TMIGD3: variants seen among roughly 807,000 people sequenced by gnomAD.
TMIGD3 encodes the protein AD026 protein (AD026).
A neutral mutation model predicts 28.1 loss-of-function variants in TMIGD3; 21 were observed. That is an observed-to-expected ratio of 0.75 (90% CI 0.53 to 1.08). TMIGD3 has a LOEUF of 1.08. TMIGD3 is among the 50% of genes least tolerant of loss of function. The pLI is 0.00. For synonymous variants in TMIGD3, 151 were observed against 162.1 expected, an observed-to-expected ratio of 0.93 and a Z score of 0.52; for missense variants, 416 against 435.6, an observed-to-expected ratio of 0.96 and a Z score of 0.40.
At chr1:111,537,710 T>C (rs1208233712) in intron 1 of TMIGD3, among the ~76,000 whole-genome samples, 1 of 152,220 alleles carries the variant, frequency 6.6e-6, no homozygotes, top group Non-Finnish European at 1.5e-5. Context: ...CTGGATTCAC[T>C]CCATAATTGC....
chr1:111,485,548 C>T, intron 5 of TMIGD3, 192 bp downstream of exon 5: 1 of 517,626 alleles, frequency 1.9e-6, no homozygotes, highest in Non-Finnish European at 3.4e-6. Flanking sequence ...CTCCAGTGCT[C>T]CCTCTGTCAC....
Position 111,488,920 on chromosome 1 carries a change from A to G in TMIGD3, c.562T>C (p.Cys188Arg). 1 of 1,614,186 alleles carries G rather than the reference A, an allele frequency of 6.2e-7. No individual in the cohort carries two copies. The highest frequency in any genetic ancestry group is 8.5e-7 in the Non-Finnish European group (1 of 1,180,030). Residue 188 changes from cysteine (C) to arginine (R), a missense_variant, in exon 3 of 6, where the codon TGC becomes CGC. Coordinates refer to ENST00000369716, the MANE Select transcript of TMIGD3 (RefSeq NM_020683.7). ...CAGTAGTCACGGAAATAGCCTCGGC[A>G]CCAGTATTTGGGGTGATTCTTGTAG... ...AHYKNHPKYW[C>R]RGYFRDYCNI... is the part of the protein sequence containing the mutation.
At chr1:111,507,039 GTATATATA>G (rs59345912), upstream of TMIGD3, among the ~76,000 whole-genome samples, 21,461 of 125,840 alleles carry the variant, frequency 0.17, 2,081 homozygotes, top group Non-Finnish European at 0.21. Flanking sequence ...GTGTGTGTGT[GTATATATA>G]TATATATATA....
At position 111,485,897 on chromosome 1, in the gene TMIGD3, C is replaced by G. The variant is rs537687783; in HGVS notation, c.873-57G>C. 7.7e-5 allele frequency: 106 copies of G among 1,379,394 alleles called. 1 individual carries two copies. In the African/African-American group the frequency reaches 1.4e-3, roughly 18 times the overall value. 85.4% of individuals were successfully genotyped at this position (1,379,394 alleles called of 1,614,324 possible). On this transcript the variant is annotated intron_variant, in intron 4 of 5. Coordinates refer to ENST00000369716, the MANE Select transcript of TMIGD3 (RefSeq NM_020683.7). ...TTGGAAGAAACTGCCTATTGATTCTCAGCTCTGGATCCCTTTTTCTGGGAT... is the reference window on the plus strand; with the variant it reads ...TTGGAAGAAACTGCCTATTGATTCTGAGCTCTGGATCCCTTTTTCTGGGAT...
chr1:111,560,555 C>G (rs1657695925), intron 1 of TMIGD3, among the ~76,000 whole-genome samples: 1 of 151,646 alleles, frequency 6.6e-6, no homozygotes, highest in Non-Finnish European at 1.5e-5. Context: ...ATGGCACGAT[C>G]ATAGCTCACT....
chr1:111,556,960 A>G (rs1189177500), intron 1 of TMIGD3, among the ~76,000 whole-genome samples: 2 of 152,098 alleles, frequency 1.3e-5, no homozygotes, highest in African/African-American at 4.8e-5. Flanking sequence ...GGGAAAAATA[A>G]TGGTTGAGAA....
In TMIGD3 at chr1:111,529,483, G is replaced by A. The variant is rs907291319; in HGVS notation, c.107+34363C>T. On this transcript the variant is annotated intron_variant, in intron 1 of 5. Coordinates refer to the TMIGD3 transcript ENST00000369717. ...TCAGCAGATAAACAAGTGAACAAAG[G>A]TCTCTGGTTTTCCTAGGCAGAGGAC... 1.2e-4 allele frequency among the ~76,000 whole-genome samples: 18 copies of A among 149,828 alleles called. No homozygotes were observed. In the South Asian group the frequency reaches 1.9e-3, roughly 16 times the overall value.
At chr1:111,516,773 C>T (rs1473607919) in intron 1 of TMIGD3, among the ~76,000 whole-genome samples, 19 of 152,174 alleles carry the variant, frequency 1.2e-4, no homozygotes, top group Admixed American at 1.2e-3. Flanking sequence ...TGATGCCTTC[C>T]AACACGGGAT....
At chr1:111,524,105 C>G (rs1339336227) in intron 1 of TMIGD3, among the ~76,000 whole-genome samples, 1 of 146,110 alleles carries the variant, frequency 6.8e-6, no homozygotes, top group Non-Finnish European at 1.5e-5. Flanking sequence ...TCTCGGCTCA[C>G]TGCAAGCTCC....
At chr1:111,560,036 A>C (rs1657666022) in intron 1 of TMIGD3, among the ~76,000 whole-genome samples, 1 of 152,168 alleles carries the variant, frequency 6.6e-6, no homozygotes, top group South Asian at 2.1e-4. Context: ...CAGAGTAGGC[A>C]ATTTTTTTCA....
upstream of TMIGD3, among the ~76,000 whole-genome samples, chr1:111,507,427 G>C (rs1221962221): frequency 6.6e-6 from 1 of 152,208 alleles, no homozygotes; most frequent in African/African-American, 2.4e-5. Flanking sequence ...TGGGTCTGAT[G>C]CCACTGGGCA....
upstream of TMIGD3, among the ~76,000 whole-genome samples, chr1:111,505,443 G>A (rs895339831): frequency 3.3e-5 from 5 of 152,134 alleles, no homozygotes; most frequent in Admixed American, 1.3e-4. Context: ...CATACCATGG[G>A]GGTTTCTTTT....
intron 1 of TMIGD3, among the ~76,000 whole-genome samples, chr1:111,559,490 C>A (rs1657644961): frequency 6.6e-6 from 1 of 152,110 alleles, no homozygotes; most frequent in African/African-American, 2.4e-5. Flanking sequence ...TCCAATTTTT[C>A]CAGTACCCAG....
Position 111,488,904 on chromosome 1 carries a change from C to T in TMIGD3, c.578G>A (p.Arg193His), listed in dbSNP as rs758329468. 38 of 1,614,062 alleles carry T rather than the reference C, an allele frequency of 2.4e-5. No individual in the cohort carries two copies. The highest frequency in any genetic ancestry group is 5.5e-5 in the South Asian group (5 of 91,084). The change falls in exon 3 of 6, where the codon CGT (arginine) becomes CAT (histidine). Residue 193 changes from arginine to histidine, a missense_variant. Physicochemically the swap from Arg to His is conservative, Grantham distance 29 (BLOSUM62 0). Coordinates refer to ENST00000369716, the MANE Select transcript of TMIGD3 (RefSeq NM_020683.7). ...GAAGGCGATGATGTTGCAGTAGTCA[C>T]GGAAATAGCCTCGGCACCAGTATTT... Reference protein sequence around the residue: ...HPKYWCRGYFRDYCNIIAFSP... With the variant: ...HPKYWCRGYFHDYCNIIAFSP...
chr1:111,512,256 A>G (rs968080541), intron 1 of TMIGD3, among the ~76,000 whole-genome samples: 1 of 152,214 alleles, frequency 6.6e-6, no homozygotes, highest in African/African-American at 2.4e-5. Context: ...AGGCCCTCTC[A>G]AGCTGTGCCT....
At chr1:111,526,980 A>T (rs930204917) in intron 1 of TMIGD3, among the ~76,000 whole-genome samples, 2 of 147,302 alleles carry the variant, frequency 1.4e-5, no homozygotes, top group African/African-American at 2.5e-5. Flanking sequence ...TTCAGTTTGT[A>T]ATATACATTT....
At chr1:111,507,707 A>C (rs1475326877), upstream of TMIGD3, among the ~76,000 whole-genome samples, 1 of 152,178 alleles carries the variant, frequency 6.6e-6, no homozygotes, top group African/African-American at 2.4e-5. Flanking sequence ...CTCCCACCCC[A>C]CGGCTGTCTG....
At chr1:111,550,072 G>A (rs1050537168) in intron 1 of TMIGD3, among the ~76,000 whole-genome samples, 1 of 152,152 alleles carries the variant, frequency 6.6e-6, no homozygotes, top group Non-Finnish European at 1.5e-5. Flanking sequence ...TGTGTTTTTA[G>A]AAATTTGTCC....
Position 111,489,035 on chromosome 1 carries a change from A to T in TMIGD3, c.458-11T>A. The T allele has an allele frequency of 5.8e-6, 8 of 1,377,478 alleles. No individual in the cohort carries two copies. Among genetic ancestry groups the T allele is most frequent in the Non-Finnish European group, 7.7e-6 (8 of 1,040,466 alleles). The allele number at this position is 1,377,478 out of a possible 1,614,324, so 85.3% of individuals were successfully genotyped here. A position where few individuals can be genotyped will look rare whatever the true frequency, so the allele number is the denominator to read the frequency against. On this transcript the variant is annotated splice_polypyrimidine_tract_variant and intron_variant, in intron 2 of 5. Transcript: ENST00000369716. ...CCATGACCATGGCATCTGTGAAAACACACACACACACGCACACGTGCACAC... is the reference window on the plus strand; with the variant it reads ...CCATGACCATGGCATCTGTGAAAACTCACACACACACGCACACGTGCACAC...
Sources: allele counts gnomAD v4.1 joint callset (sites outside exome capture counted in the v4.1 genomes callset), GRCh38; gene constraint gnomAD v4.1.1; transcripts MANE v1.5; gene names NCBI Gene and HGNC (gene_info 2026-07-23, HGNC 2026-07-21).